ADGRL3: variants seen among roughly 807,000 people sequenced by gnomAD.
The protein encoded by ADGRL3 is adhesion G protein-coupled receptor L3.
Under a neutral mutation model 153.5 loss-of-function variants are expected in ADGRL3, and 62 were observed. The ratio of observed to expected loss-of-function variants is 0.40; its 90% CI spans 0.33 to 0.50. The LOEUF is 0.50. Ranked by LOEUF, ADGRL3 falls within the 20% of genes least tolerant of loss-of-function variation. ADGRL3 has a pLI of 0.47. For missense variants in ADGRL3, 1,641 were observed against 1,859.4 expected (o/e 0.88, Z 2.16); for synonymous variants, 710 against 672.5 (o/e 1.06, Z -0.86).
chr4:61,833,036 T>G (rs1347767323), intron 9 of ADGRL3, among the ~76,000 whole-genome samples: 2 of 152,088 alleles, frequency 1.3e-5, no homozygotes, highest in African/African-American at 4.8e-5. Context: ...CGTGTGAAAA[T>G]AAAACCATTA....
chr4:62,067,151 C>G (rs889170525), intron 25 of ADGRL3, among the ~76,000 whole-genome samples: 1 of 152,020 alleles, frequency 6.6e-6, no homozygotes, highest in Non-Finnish European at 1.5e-5. Context: ...GTTGATCTTT[C>G]TGCTGAGAAG....
Position 62,077,607 on chromosome 4 carries a change from C to A in ADGRL3, c.*6699C>A, listed in dbSNP as rs1747560929. The A allele has an allele frequency of 6.6e-6, 1 of 152,006 alleles. No individual in the cohort carries two copies. The highest frequency in any genetic ancestry group is 2.4e-5 in the African/African-American group (1 of 41,532). 9.4% of individuals were successfully genotyped at this position (152,006 alleles called of 1,614,324 possible). On this transcript the variant is annotated 3_prime_UTR_variant, in exon 27 of 27. Transcript: ENST00000683033. Reference sequence around the variant, plus strand: ...GGGGTTGGAACTCAGGATACAGTGACTAGGACAGAGTGCATTCTTAGGCTA... The same window carrying A: ...GGGGTTGGAACTCAGGATACAGTGAATAGGACAGAGTGCATTCTTAGGCTA...
chr4:61,452,841 A>G (rs1208514658), intron 2 of ADGRL3, among the ~76,000 whole-genome samples: 2 of 152,130 alleles, frequency 1.3e-5, no homozygotes, highest in Non-Finnish European at 2.9e-5. Flanking sequence ...AAAAATGTCA[A>G]CATGTAAAAT....
rs551999894 is a variant in ADGRL3, at chr4:61,324,586, C to A, written c.-239-58538C>A. Among the ~76,000 whole-genome samples, 15 of 152,242 alleles carry A rather than the reference C, an allele frequency of 9.9e-5. 1 individual carries two copies. The highest frequency in any genetic ancestry group is 3.4e-4 in the African/African-American group (14 of 41,566). On this transcript the variant is annotated intron_variant, in intron 1 of 26. Coordinates refer to ENST00000683033, the MANE Select transcript of ADGRL3 (RefSeq NM_001387552.1). ...TTTAGATTATAAAATTGACTTCATA[C>A]ATAGACTTGTTTTTATAATTTTTAT...
intron 1 of ADGRL3, among the ~76,000 whole-genome samples, chr4:61,227,704 TC>T (rs1179842106): frequency 2.0e-5 from 3 of 152,208 alleles, no homozygotes; most frequent in Admixed American, 2.0e-4. Flanking sequence ...CATGGATCCA[TC>T]TTTTAAAACT....
At position 61,766,448 on chromosome 4, in the gene ADGRL3, G is replaced by T. The variant is rs1002943051; in HGVS notation, c.1399+32894G>T. On this transcript the variant is annotated intron_variant, in intron 8 of 26. Coordinates refer to ENST00000683033, the MANE Select transcript of ADGRL3 (RefSeq NM_001387552.1). ...GTTGTTTGGACAGAAAGGCTACAGGGTGTGGTCCTGGCTCTTGTGTAAGAA... is the reference window on the plus strand; with the variant it reads ...GTTGTTTGGACAGAAAGGCTACAGGTTGTGGTCCTGGCTCTTGTGTAAGAA... 3.3e-5 allele frequency among the ~76,000 whole-genome samples: 5 copies of T among 151,876 alleles called. 1 individual carries two copies. Among genetic ancestry groups the T allele is most frequent in the Admixed American group, 3.3e-4 (5 of 15,272 alleles).
At chr4:61,344,940 C>T (rs1170546522) in intron 1 of ADGRL3, among the ~76,000 whole-genome samples, 2 of 151,436 alleles carry the variant, frequency 1.3e-5, no homozygotes, top group Non-Finnish European at 2.9e-5. Flanking sequence ...GTGCCTGCCA[C>T]CATGCCTGGC....
chr4:62,027,057 T>C (rs374453197), intron 21 of ADGRL3, among the ~76,000 whole-genome samples: 11 of 152,044 alleles, frequency 7.2e-5, no homozygotes, highest in African/African-American at 2.4e-4. Flanking sequence ...CGAATTAAGG[T>C]AGAATTATTC....
At chr4:61,241,424 G>T (rs146806475) in intron 1 of ADGRL3, among the ~76,000 whole-genome samples, 2 of 151,910 alleles carry the variant, frequency 1.3e-5, no homozygotes, top group Non-Finnish European at 2.9e-5. Context: ...CTTAAATTAG[G>T]TATCAATATA....
chr4:61,374,700 C>G (rs1387614842), intron 1 of ADGRL3, among the ~76,000 whole-genome samples: 1 of 152,120 alleles, frequency 6.6e-6, no homozygotes, highest in Non-Finnish European at 1.5e-5. Context: ...TAATCCCTTT[C>G]AGACCTCCAG....
intron 4 of ADGRL3, among the ~76,000 whole-genome samples, chr4:61,522,164 T>A (rs1259057316): frequency 6.6e-6 from 1 of 152,110 alleles, no homozygotes; most frequent in Non-Finnish European, 1.5e-5. Flanking sequence ...TATTTGACAT[T>A]CATTCAGTTC....
At chr4:61,370,139 G>A (rs183328915) in intron 1 of ADGRL3, among the ~76,000 whole-genome samples, 216 of 152,014 alleles carry the variant, frequency 1.4e-3, no homozygotes, top group Non-Finnish European at 2.2e-3. Flanking sequence ...TATTAGTCTT[G>A]CTAGTGATTT....
At chr4:61,715,947 T>TAAAA (rs59481591) in intron 6 of ADGRL3, among the ~76,000 whole-genome samples, 13 of 85,396 alleles carry the variant, frequency 1.5e-4, no homozygotes, top group African/African-American at 2.8e-4. Context: ...GCCCTTAAAG[T>TAAAA]AAAAAAAAAA....
chr4:62,056,924 TG>T (rs1296833476), intron 25 of ADGRL3, among the ~76,000 whole-genome samples: 1 of 152,094 alleles, frequency 6.6e-6, no homozygotes, highest in Non-Finnish European at 1.5e-5. Context: ...GACTGACTAT[TG>T]ATGAATGGTT....
chr4:61,602,350 G>T (rs996626346), intron 5 of ADGRL3, among the ~76,000 whole-genome samples: 1 of 152,060 alleles, frequency 6.6e-6, no homozygotes, highest in Non-Finnish European at 1.5e-5. Flanking sequence ...AGCATAGATT[G>T]CCTTAAACCA....
At chr4:61,922,501 T>A (rs1319494652) in intron 13 of ADGRL3, among the ~76,000 whole-genome samples, 1 of 152,168 alleles carries the variant, frequency 6.6e-6, no homozygotes. Flanking sequence ...GTCCACAGTT[T>A]ACTCAGATTT....
intron 6 of ADGRL3, among the ~76,000 whole-genome samples, chr4:61,681,856 T>C (rs1218567845): frequency 1.3e-5 from 2 of 152,086 alleles, no homozygotes; most frequent in Non-Finnish European, 2.9e-5. Flanking sequence ...AATTAACTGA[T>C]ATTTTTAATT....
rs148216950 is a variant in ADGRL3 at position 61,538,747 on chromosome 4, G to A, written c.259+21229G>A. On this transcript the variant is annotated intron_variant, in intron 4 of 26. Coordinates refer to ENST00000683033, the MANE Select transcript of ADGRL3 (RefSeq NM_001387552.1). ...ATGAGCCACCATGCCTGGCCTGATA[G>A]CAGGATTTTATTTGGTGGTACAGTT... Among the ~76,000 whole-genome samples, 615 of 152,148 alleles carry A rather than the reference G, an allele frequency of 4.0e-3. 3 individuals are homozygous for A. The highest frequency in any genetic ancestry group is 0.014 in the African/African-American group (588 of 41,526).
chr4:61,455,498 C>A (rs1172816040), intron 2 of ADGRL3, among the ~76,000 whole-genome samples: 1 of 151,842 alleles, frequency 6.6e-6, no homozygotes, highest in Non-Finnish European at 1.5e-5. Context: ...CCATCTAGGC[C>A]CTGAGATTGT....
Sources: gnomAD v4.1 joint callset for allele counts (sites outside exome capture counted in the v4.1 genomes callset) on GRCh38, gnomAD v4.1.1 for gene constraint, MANE v1.5 for transcripts, NCBI Gene and HGNC (gene_info 2026-07-23, HGNC 2026-07-21) for gene names.